Variants in MSRA observed in about 807,000 individuals in gnomAD.
MSRA encodes the protein methionine sulfoxide reductase A, also known as mitochondrial peptide methionine sulfoxide reductase.
In MSRA, 54 loss-of-function variants were observed where a neutral mutation model predicts 31.3. The ratio of observed to expected loss-of-function variants is 1.73; its 90% CI spans 1.39 to 2.17. MSRA has a LOEUF of 2.17. Among genes scored for constraint, MSRA ranks in the 30% most tolerant of loss-of-function variants. The pLI is 0.00. For missense variants in MSRA, 507 were observed against 300.9 expected (o/e 1.69, Z -5.07); for synonymous variants, 169 against 116.5 (o/e 1.45, Z -2.90).
intron 5 of MSRA, among the ~76,000 whole-genome samples, chr8:10,323,507 A>G (rs1406041408): frequency 6.6e-6 from 1 of 152,056 alleles, no homozygotes; most frequent in African/African-American, 2.4e-5. Context: ...TTATCACCGA[A>G]TTTTCCAGTT....
intron 5 of MSRA, among the ~76,000 whole-genome samples, chr8:10,344,023 T>C (rs1396734132): frequency 6.6e-6 from 1 of 152,206 alleles, no homozygotes; most frequent in East Asian, 1.9e-4. Flanking sequence ...GAACATTCTG[T>C]AGTCCCAGAT....
At chr8:10,398,808 CA>C (rs1286578695) in intron 5 of MSRA, among the ~76,000 whole-genome samples, 1 of 152,194 alleles carries the variant, frequency 6.6e-6, no homozygotes, top group African/African-American at 2.4e-5. Flanking sequence ...CTTATTATGT[CA>C]AAAGAGTTGT....
chr8:10,091,499 A>G (rs1284717219), intron 1 of MSRA, among the ~76,000 whole-genome samples: 1 of 152,080 alleles, frequency 6.6e-6, no homozygotes, highest in African/African-American at 2.4e-5. Context: ...TGTCTTGGCT[A>G]TTATGAATAA....
intron 1 of MSRA, among the ~76,000 whole-genome samples, chr8:10,128,105 C>T (rs965095925): frequency 2.6e-5 from 4 of 152,012 alleles, no homozygotes; most frequent in South Asian, 2.1e-4. Flanking sequence ...AGGCCAGGTG[C>T]GATGGCTCAC....
intron 5 of MSRA, among the ~76,000 whole-genome samples, chr8:10,427,469 C>A (rs1027112428): frequency 6.6e-6 from 1 of 152,182 alleles, no homozygotes; most frequent in Non-Finnish European, 1.5e-5. Context: ...AGCCACAGGC[C>A]ACATCCTGCC....
chr8:10,183,807 G>GCT (rs1356336426), intron 1 of MSRA, among the ~76,000 whole-genome samples: 33 of 150,588 alleles, frequency 2.2e-4, no homozygotes, highest in African/African-American at 5.9e-4. Flanking sequence ...TGGTGGTGGT[G>GCT]GTGCTGCTGC....
At chr8:10,388,399 T>G (rs1469729031) in intron 5 of MSRA, among the ~76,000 whole-genome samples, 1 of 152,204 alleles carries the variant, frequency 6.6e-6, no homozygotes, top group Admixed American at 6.5e-5. Context: ...ATGTAAAATT[T>G]CCCTTACGAA....
chr8:10,407,760 C>G (rs550937802), intron 5 of MSRA, among the ~76,000 whole-genome samples: 26 of 152,250 alleles, frequency 1.7e-4, no homozygotes, highest in Admixed American at 1.4e-3. Flanking sequence ...TGTCATTGGT[C>G]TAAACACCCC....
chr8:10,209,927 A>G (rs1378033943), intron 2 of MSRA, among the ~76,000 whole-genome samples: 2 of 152,224 alleles, frequency 1.3e-5, no homozygotes, highest in African/African-American at 2.4e-5. Flanking sequence ...AAGAATTCTT[A>G]CTTTAGAAGT....
chr8:10,134,752 G>A (rs1802147999), intron 1 of MSRA, among the ~76,000 whole-genome samples: 1 of 152,250 alleles, frequency 6.6e-6, no homozygotes, highest in African/African-American at 2.4e-5. Context: ...TCCTATGGCA[G>A]AACAGAGCAA....
At chr8:10,415,330 A>G (rs1037636458) in intron 5 of MSRA, among the ~76,000 whole-genome samples, 1 of 152,132 alleles carries the variant, frequency 6.6e-6, no homozygotes, top group Admixed American at 6.5e-5. Flanking sequence ...GTAATGGGAA[A>G]ACAAATGACG....
intron 4 of MSRA, among the ~76,000 whole-genome samples, chr8:10,318,652 A>T (rs1343534817): frequency 6.6e-6 from 1 of 152,160 alleles, no homozygotes; most frequent in Non-Finnish European, 1.5e-5. Flanking sequence ...ACAGTCAAAT[A>T]TTTCGTTTGT....
intron 2 of MSRA, among the ~76,000 whole-genome samples, chr8:10,215,910 C>T (rs1473811403): frequency 2.0e-5 from 3 of 152,110 alleles, no homozygotes; most frequent in African/African-American, 7.2e-5. Context: ...TCTTAAATTT[C>T]TACAGAGAAA....
chr8:10,186,746 G>A (rs1023121178), intron 1 of MSRA, among the ~76,000 whole-genome samples: 4 of 152,192 alleles, frequency 2.6e-5, no homozygotes, highest in Admixed American at 6.5e-5. Context: ...GCGGGGAGAG[G>A]TCACACCAAG....
intron 1 of MSRA, among the ~76,000 whole-genome samples, chr8:10,164,171 G>C (rs1317633206): frequency 2.0e-5 from 3 of 152,218 alleles, no homozygotes; most frequent in African/African-American, 7.2e-5. Context: ...AAAGAGAAAA[G>C]TCTAAGGTGT....
At chr8:10,063,245 G>A (rs1405760862) in intron 1 of MSRA, among the ~76,000 whole-genome samples, 2 of 152,068 alleles carry the variant, frequency 1.3e-5, no homozygotes, top group African/African-American at 4.8e-5. Flanking sequence ...CCTCCCATGA[G>A]TCCCGATGAC....
intron 2 of MSRA, among the ~76,000 whole-genome samples, chr8:10,208,761 G>T (rs1322681280): frequency 6.6e-6 from 1 of 152,158 alleles, no homozygotes; most frequent in African/African-American, 2.4e-5. Flanking sequence ...GACAGGTTCT[G>T]TGATGTCTCT....
At chr8:10,384,449 G>A (rs1244563569) in intron 5 of MSRA, among the ~76,000 whole-genome samples, 2 of 152,226 alleles carry the variant, frequency 1.3e-5, no homozygotes, top group East Asian at 1.9e-4. Flanking sequence ...CCGCAGGATG[G>A]CAGGATGTCT....
At chr8:10,427,237 C>G (rs1428905200) in intron 5 of MSRA, among the ~76,000 whole-genome samples, 1 of 152,164 alleles carries the variant, frequency 6.6e-6, no homozygotes, top group African/African-American at 2.4e-5. Context: ...TGGCCGTGTG[C>G]TCACATGCTT....
Sources: allele counts gnomAD v4.1 joint callset (sites outside exome capture counted in the v4.1 genomes callset), GRCh38; gene constraint gnomAD v4.1.1; transcripts MANE v1.5; gene names NCBI Gene and HGNC (gene_info 2026-07-23, HGNC 2026-07-21).